DDAH1: variants seen among roughly 807,000 people sequenced by gnomAD.
The protein encoded by DDAH1 is dimethylarginine dimethylaminohydrolase 1.
Under a neutral mutation model 28.8 loss-of-function variants are expected in DDAH1, and 19 were observed. That is an observed-to-expected ratio of 0.66 (90% confidence interval 0.46 to 0.97). DDAH1 has a LOEUF of 0.97. DDAH1 is among the 50% of genes least tolerant of loss of function. DDAH1 has a pLI of 0.00. For missense variants in DDAH1, 326 were observed against 375.9 expected (o/e 0.87, Z 1.10); for synonymous variants, 153 against 154.4 (o/e 0.99, Z 0.07).
At position 85,390,426 on chromosome 1, in the gene DDAH1, A is replaced by G. The variant is rs140608419; in HGVS notation, c.304-31579T>C. 4.4e-3 allele frequency among the ~76,000 whole-genome samples: 673 copies of G among 152,320 alleles called. 5 individuals are homozygous for G. Among genetic ancestry groups the G allele is most frequent in the Non-Finnish European group, 5.0e-3 (343 of 68,034 alleles). The stretch of plus-strand genomic sequence containing the variant: ...GGGATTATAGGAACTACAAGATGAG[A>G]TTTGGGTAGGGACACAGCCAAACCA... On this transcript the variant is annotated intron_variant, in intron 1 of 5. Transcript: ENST00000284031.
At chr1:85,328,317 C>G (rs1377986688) in intron 4 of DDAH1, among the ~76,000 whole-genome samples, 2 of 152,126 alleles carry the variant, frequency 1.3e-5, no homozygotes, top group African/African-American at 4.8e-5. Flanking sequence ...AACACATAAG[C>G]CTCTGTCAGG....
intron 4 of DDAH1, among the ~76,000 whole-genome samples, chr1:85,330,304 C>G (rs952973086): frequency 6.6e-6 from 1 of 152,204 alleles, no homozygotes; most frequent in Non-Finnish European, 1.5e-5. Context: ...GGCCAAGGAA[C>G]AGGTTCTGTT....
intron 1 of DDAH1, among the ~76,000 whole-genome samples, chr1:85,424,696 T>C (rs1295930591): frequency 6.6e-6 from 1 of 152,114 alleles, no homozygotes; most frequent in East Asian, 1.9e-4. Flanking sequence ...CCTAAGGATT[T>C]ATCATAGGCA....
chr1:85,461,584 T>G (rs12021849), intron 1 of DDAH1, among the ~76,000 whole-genome samples: 2,833 of 152,322 alleles, frequency 0.019, 68 homozygotes, highest in East Asian at 0.11. Context: ...GGGACCTTAC[T>G]GATTGGGAAT....
chr1:85,476,821 T>G (rs1655820438), intron 2 of DDAH1, among the ~76,000 whole-genome samples: 1 of 152,192 alleles, frequency 6.6e-6, no homozygotes, highest in Non-Finnish European at 1.5e-5. Context: ...AATAATATTT[T>G]CAGAAAAATT....
intron 1 of DDAH1, among the ~76,000 whole-genome samples, chr1:85,400,671 T>C (rs1056814142): frequency 2.0e-5 from 3 of 152,194 alleles, no homozygotes; most frequent in Admixed American, 6.5e-5. Flanking sequence ...CTGAGCTTAG[T>C]AGTAATCACA....
chr1:85,527,322 C>T (rs1465359287), intron 1 of DDAH1, among the ~76,000 whole-genome samples: 8 of 148,636 alleles, frequency 5.4e-5, no homozygotes, highest in East Asian at 2.0e-4. Flanking sequence ...GCTTGTGCAG[C>T]GGTCTGGTCT....
At position 85,384,873 on chromosome 1, in the gene DDAH1, CAGTG is replaced by C. The variant is rs1173904624; in HGVS notation, c.304-26030_304-26027del. Among the ~76,000 whole-genome samples, 12 of 152,276 alleles carry C rather than the reference CAGTG, an allele frequency of 7.9e-5. No individual in the cohort carries two copies. The East Asian group carries it at 1.3e-3, about 17-fold the overall frequency. The stretch of plus-strand genomic sequence containing the variant: ...TGACATTGGCATGAAAGGGAGCAGA[CAGTG>C]AGTGTGATAAAACTTCTTTAGGATT... On this transcript the variant is annotated intron_variant, in intron 1 of 5. Coordinates refer to ENST00000284031, the MANE Select transcript of DDAH1 (RefSeq NM_012137.4).
At chr1:85,445,004 C>A (rs756269817) in intron 1 of DDAH1, among the ~76,000 whole-genome samples, 6 of 152,146 alleles carry the variant, frequency 3.9e-5, no homozygotes, top group Non-Finnish European at 7.3e-5. Flanking sequence ...TGTTCTAGGG[C>A]AGGAAGCATC....
At chr1:85,466,223 C>G (rs184241754), upstream of DDAH1, among the ~76,000 whole-genome samples, 43 of 152,344 alleles carry the variant, frequency 2.8e-4, no homozygotes, top group Middle Eastern at 3.4e-3. Context: ...AAATTCTCAG[C>G]TTCACATTTG....
intron 4 of DDAH1, among the ~76,000 whole-genome samples, chr1:85,326,995 A>G (rs1195836892): frequency 6.6e-6 from 1 of 152,270 alleles, no homozygotes; most frequent in Non-Finnish European, 1.5e-5. Context: ...ATAAAAAAAC[A>G]GACCCAAGTA....
At chr1:85,366,618 T>C (rs1650089618) in intron 1 of DDAH1, among the ~76,000 whole-genome samples, 2 of 152,106 alleles carry the variant, frequency 1.3e-5, no homozygotes, top group Admixed American at 6.6e-5. Flanking sequence ...TTTCCTCCCA[T>C]AGAATTTACT....
chr1:85,414,371 T>TA (rs2100601846), intron 1 of DDAH1, among the ~76,000 whole-genome samples: 2 of 152,310 alleles, frequency 1.3e-5, no homozygotes, highest in South Asian at 4.1e-4. Flanking sequence ...AGTAAGGTCT[T>TA]AAACATGAAA....
chr1:85,510,544 C>T (rs1031547231), intron 1 of DDAH1, among the ~76,000 whole-genome samples: 2 of 152,110 alleles, frequency 1.3e-5, no homozygotes, highest in Admixed American at 6.5e-5. Context: ...AATTAAAAGA[C>T]ACAGACTGGC....
intron 1 of DDAH1, among the ~76,000 whole-genome samples, chr1:85,557,521 T>G (rs1186884175): frequency 6.6e-6 from 1 of 152,194 alleles, no homozygotes; most frequent in Non-Finnish European, 1.5e-5. Flanking sequence ...CAACAGACAC[T>G]TTTGGATTCA....
intron 1 of DDAH1, among the ~76,000 whole-genome samples, chr1:85,461,813 T>C (rs545348759): frequency 5.4e-4 from 83 of 152,320 alleles, no homozygotes; most frequent in African/African-American, 1.9e-3. Flanking sequence ...GTATGATATA[T>C]ATAAAAGGAA....
intron 1 of DDAH1, among the ~76,000 whole-genome samples, chr1:85,541,501 A>G (rs1193913032): frequency 6.6e-6 from 1 of 152,222 alleles, no homozygotes; most frequent in East Asian, 1.9e-4. Context: ...TTGCAACTTC[A>G]GACATTAGTA....
At chr1:85,536,987 G>GTGTGTATGTA (rs1658308423) in intron 1 of DDAH1, among the ~76,000 whole-genome samples, 2 of 21,944 alleles carry the variant, frequency 9.1e-5, no homozygotes, top group Non-Finnish European at 1.8e-4. Flanking sequence ...ATATATATAC[G>GTGTGTATGTA]TATATACATA....
chr1:85,502,327 C>G (rs1029777848), intron 1 of DDAH1, among the ~76,000 whole-genome samples: 1 of 152,170 alleles, frequency 6.6e-6, no homozygotes, highest in Non-Finnish European at 1.5e-5. Context: ...CTACACCCCA[C>G]GCACTCTGCT....
Sources: gnomAD v4.1 joint callset for allele counts (sites outside exome capture counted in the v4.1 genomes callset) on GRCh38, gnomAD v4.1.1 for gene constraint, MANE v1.5 for transcripts, NCBI Gene and HGNC (gene_info 2026-07-23, HGNC 2026-07-21) for gene names.